ADAMTS2: variants seen among roughly 807,000 people sequenced by gnomAD.
ADAMTS2 encodes ADAM metallopeptidase with thrombospondin type 1 motif 2.
In ADAMTS2, 50 loss-of-function variants were observed where a neutral mutation model predicts 123.0. The ratio of observed to expected loss-of-function variants is 0.41; its 90% CI spans 0.32 to 0.51. The LOEUF (loss-of-function observed/expected upper bound fraction) is 0.51. Among genes scored for constraint, ADAMTS2 ranks in the 20% least tolerant of loss-of-function variants. The probability of loss-of-function intolerance (pLI) is 0.35; values close to 1 mark genes in which losing one functional copy is unlikely to be tolerated. For synonymous variants in ADAMTS2, 678 were observed against 695.4 expected (o/e 0.98, Z 0.39); for missense variants, 1,494 against 1,705.2 (o/e 0.88, Z 2.18).
At chr5:179,340,683 G>A (rs970422265) in intron 2 of ADAMTS2, among the ~76,000 whole-genome samples, 20 of 152,102 alleles carry the variant, frequency 1.3e-4, no homozygotes, top group Non-Finnish European at 2.9e-5. Context: ...GGATGATGTC[G>A]GGATATGTTC....
In ADAMTS2 at chr5:179,304,064, C is replaced by A. The variant is rs150287425; in HGVS notation, c.535-31000G>T. On this transcript the variant is annotated intron_variant, in intron 2 of 21. Transcript: ENST00000251582. ...TTAGGAGGTGGACCAATGCCCAGGT[C>A]CCAGACGTGCCACTGGGTTGTGTTT... is the stretch of plus-strand genomic sequence containing the variant. Among the ~76,000 whole-genome samples the A allele has an allele frequency of 8.4e-3, 1,286 of 152,260 alleles. 28 individuals carry two copies. Among genetic ancestry groups the A allele is most frequent in the Admixed American group, 0.055 (845 of 15,290 alleles).
chr5:179,127,416 G>A (rs1363586206), intron 17 of ADAMTS2, among the ~76,000 whole-genome samples: 2 of 152,054 alleles, frequency 1.3e-5, no homozygotes, highest in Non-Finnish European at 1.5e-5. Flanking sequence ...GCCTGGTATC[G>A]CCCAGCCCCC....
chr5:179,320,317 G>T (rs1454135732), intron 2 of ADAMTS2, among the ~76,000 whole-genome samples: 5 of 151,950 alleles, frequency 3.3e-5, no homozygotes, highest in African/African-American at 7.2e-5. Context: ...ATTTTTTTGG[G>T]TTTTTTTTGA....
At chr5:179,295,133 GAATA>G (rs1229982146) in intron 2 of ADAMTS2, among the ~76,000 whole-genome samples, 2 of 152,236 alleles carry the variant, frequency 1.3e-5, no homozygotes, top group African/African-American at 2.4e-5. Flanking sequence ...AGGCCTGGCT[GAATA>G]AATAGATTCT....
chr5:179,207,622 G>A lies in ADAMTS2; in HGVS notation c.782C>T (p.Ala261Val), dbSNP rs1764733078. Residue 261 changes from alanine to valine, a missense_variant, in exon 4 of 22, where the codon GCT becomes GTT. Physicochemically the swap from Ala to Val is moderately conservative, Grantham distance 64 (BLOSUM62 0). Transcript: ENST00000251582. ...NSSRRRARRHAADDDYNIEVL... is the reference protein window; with the variant it reads ...NSSRRRARRHVADDDYNIEVL... ...CTCGATGTTGTAGTCATCGTCCGCA[G>A]CATGCCTGCGTGCCCTCCGCCTCGA... 6.2e-6 allele frequency: 10 copies of A among 1,613,724 alleles called. No individual in the cohort carries two copies. The highest frequency in any genetic ancestry group is 7.6e-6 in the Non-Finnish European group (9 of 1,180,042).
At chr5:179,340,197 G>A (rs1019586825) in intron 2 of ADAMTS2, among the ~76,000 whole-genome samples, 3 of 152,346 alleles carry the variant, frequency 2.0e-5, no homozygotes, top group Admixed American at 6.5e-5. Context: ...CTTGGAGGGC[G>A]GACCATCTCC....
chr5:179,170,719 T>C lies in ADAMTS2; in HGVS notation c.975+10353A>G, dbSNP rs1308097257. 6.6e-6 allele frequency among the ~76,000 whole-genome samples: 1 copy of C among 152,182 alleles called. No individual in the cohort carries two copies. The highest frequency in any genetic ancestry group is 6.5e-5 in the Admixed American group (1 of 15,276). ...CCTATTGCCTGCCACCCTGCTGTAT[T>C]CCTTGCCGGTGCTCACCACTCTGTC... On this transcript the variant is annotated intron_variant, in intron 5 of 21. Coordinates refer to ENST00000251582, the MANE Select transcript of ADAMTS2 (RefSeq NM_014244.5). The surrounding 1 kb of genome is among the most constrained non-coding windows in gnomAD (Gnocchi z 4.3).
intron 4 of ADAMTS2, among the ~76,000 whole-genome samples, chr5:179,195,300 A>G (rs1381505266): frequency 6.6e-6 from 1 of 152,010 alleles, no homozygotes; most frequent in Non-Finnish European, 1.5e-5. Context: ...GGTGCTCCCA[A>G]CAGCCCCGGG....
At chr5:179,302,424 GC>G (rs1561712600) in intron 2 of ADAMTS2, among the ~76,000 whole-genome samples, 1 of 144,158 alleles carries the variant, frequency 6.9e-6, no homozygotes, top group Non-Finnish European at 1.5e-5. Flanking sequence ...GAGTGATAAG[GC>G]CCCGGACAAC....
intron 12 of ADAMTS2, among the ~76,000 whole-genome samples, 187 bp downstream of exon 12, chr5:179,137,582 C>G (rs1286837508): frequency 6.6e-6 from 1 of 152,242 alleles, no homozygotes; most frequent in Non-Finnish European, 1.5e-5. Flanking sequence ...GATTGCAGCC[C>G]TGCTAGGAAC....
Position 179,180,082 on chromosome 5 carries a change from A to G in ADAMTS2, c.975+990T>C, listed in dbSNP as rs147662380. On this transcript the variant is annotated intron_variant, in intron 5 of 21. Transcript: ENST00000251582. The surrounding 1 kb of genome is among the most constrained non-coding windows in gnomAD (Gnocchi z 4.6). ...CGGTGTTCTTATCTGTGAAATGGGC[A>G]GAGTCACAGTGTGCACCCCTCCATC... 3.6e-3 allele frequency among the ~76,000 whole-genome samples: 548 copies of G among 152,322 alleles called. No homozygotes were observed. Among genetic ancestry groups the G allele is most frequent in the Non-Finnish European group, 6.7e-3 (455 of 68,034 alleles).
intron 2 of ADAMTS2, among the ~76,000 whole-genome samples, chr5:179,315,850 T>C (rs1317097095): frequency 6.6e-6 from 1 of 151,808 alleles, no homozygotes; most frequent in Non-Finnish European, 1.5e-5. Context: ...GCTCTCGCTG[T>C]GTGCTAAGAA....
intron 3 of ADAMTS2, among the ~76,000 whole-genome samples, chr5:179,267,959 C>T (rs894681896): frequency 3.9e-5 from 6 of 152,226 alleles, no homozygotes; most frequent in East Asian, 1.9e-4. Flanking sequence ...GTACCCGGGT[C>T]GGCCTGGGCC....
intron 2 of ADAMTS2, among the ~76,000 whole-genome samples, chr5:179,294,812 T>A (rs1030462007): frequency 3.9e-5 from 6 of 152,222 alleles, no homozygotes; most frequent in African/African-American, 1.2e-4. Context: ...AATCCTTCAA[T>A]TCCCTCATTG....
intron 5 of ADAMTS2, among the ~76,000 whole-genome samples, chr5:179,160,456 A>C (rs1051822941): frequency 2.6e-5 from 4 of 152,206 alleles, no homozygotes; most frequent in Non-Finnish European, 5.9e-5. Flanking sequence ...GTCTCAAAAC[A>C]AAACAAAACA....
rs1764266871 is a variant in ADAMTS2 at position 179,189,903 on chromosome 5, G to A, written c.892-8748C>T. Among the ~76,000 whole-genome samples, 1 of 151,072 alleles carries A rather than the reference G, an allele frequency of 6.6e-6. No homozygotes were observed. Among genetic ancestry groups the A allele is most frequent in the South Asian group, 2.1e-4 (1 of 4,774 alleles). On this transcript the variant is annotated intron_variant, in intron 4 of 21. Transcript: ENST00000251582. This position sits in a 1 kb window ranked among gnomAD's most constrained non-coding sequence, Gnocchi z 4.2. ...TAGATTCACAAGGGCGGGTCCGGCG[G>A]GGGCGGGTGGCAATATCACAAAGTA...
intron 10 of ADAMTS2, among the ~76,000 whole-genome samples, chr5:179,146,670 C>T (rs895813549): frequency 6.6e-6 from 1 of 152,188 alleles, no homozygotes; most frequent in Non-Finnish European, 1.5e-5. Context: ...GTCTCTTCCT[C>T]CTAATGAGCA....
chr5:179,252,794 A>G (rs1765958044), intron 3 of ADAMTS2, among the ~76,000 whole-genome samples: 1 of 152,188 alleles, frequency 6.6e-6, no homozygotes, highest in African/African-American at 2.4e-5. Flanking sequence ...GAACTTCCTT[A>G]TCTGTGCTGG....
chr5:179,330,132 CAAAAAAA>C (rs58696442), intron 2 of ADAMTS2, among the ~76,000 whole-genome samples: 1 of 96,888 alleles, frequency 1.0e-5, no homozygotes. Flanking sequence ...GACTCCGTCT[CAAAAAAA>C]AAAAAAAAAA....
Sources: gnomAD v4.1 joint callset for allele counts (sites outside exome capture counted in the v4.1 genomes callset) on GRCh38, gnomAD v4.1.1 for gene constraint, Gnocchi (gnomAD v3.1) non-coding constraint, MANE v1.5 for transcripts, NCBI Gene and HGNC (gene_info 2026-07-23, HGNC 2026-07-21) for gene names.